The following CDH12 variants were observed in gnomAD, a reference collection of about 807,000 sequenced individuals.
The protein encoded by CDH12 is cadherin 12, also known as cadherin-12.
CDH12 carries 41 observed loss-of-function variants against 74.1 expected under a neutral mutation model. The observed-to-expected ratio is 0.55, with a 90% CI of 0.43 to 0.72. The LOEUF (loss-of-function observed/expected upper bound fraction) is 0.72. CDH12 is among the 30% of genes least tolerant of loss of function. The pLI is 0.00. For synonymous variants in CDH12, 399 were observed against 355.0 expected, an observed-to-expected ratio of 1.12 and a Z score of -1.39; for missense variants, 945 against 977.2, an observed-to-expected ratio of 0.97 and a Z score of 0.44.
At chr5:22,371,629 T>C (rs1474525375) in intron 3 of CDH12, among the ~76,000 whole-genome samples, 1 of 152,202 alleles carries the variant, frequency 6.6e-6, no homozygotes, top group East Asian at 1.9e-4. Flanking sequence ...TTTATTAGTA[T>C]GTTAGTTAAT....
intron 3 of CDH12, among the ~76,000 whole-genome samples, chr5:22,254,655 A>C (rs1207208654): frequency 1.3e-5 from 2 of 151,870 alleles, no homozygotes; most frequent in Admixed American, 6.6e-5. Context: ...TGTACGTCTG[A>C]ACTTAAAATA....
intron 2 of CDH12, among the ~76,000 whole-genome samples, chr5:22,470,492 C>T (rs888619790): frequency 6.6e-6 from 1 of 151,830 alleles, no homozygotes. Flanking sequence ...GATCATAGCT[C>T]ACTGCAGCCT....
At position 22,685,631 on chromosome 5, in the gene CDH12, T is replaced by G. The variant is rs570555517; in HGVS notation, c.-523+167427A>C. On this transcript the variant is annotated intron_variant, in intron 1 of 14. Coordinates refer to ENST00000382254, the MANE Select transcript of CDH12 (RefSeq NM_004061.5). The stretch of plus-strand genomic sequence containing the variant: ...CTATCCATTTGCCTATCCTGGATAT[T>G]TCATAGAAATAGAATAACACCGTAT... Among the ~76,000 whole-genome samples, 17 of 152,334 alleles carry G rather than the reference T, an allele frequency of 1.1e-4. No homozygotes were observed. In the East Asian group the frequency reaches 2.7e-3, roughly 24 times the overall value.
At chr5:22,302,009 GGA>G (rs36001047) in intron 3 of CDH12, among the ~76,000 whole-genome samples, 144 of 145,300 alleles carry the variant, frequency 9.9e-4, no homozygotes, top group East Asian at 1.0e-3. Context: ...ATATATATAT[GGA>G]GAGAGAGAGA....
Position 21,767,149 on chromosome 5 carries a change from C to A in CDH12, c.1394-2050G>T, listed in dbSNP as rs142606799. Among the ~76,000 whole-genome samples, 188 of 151,858 alleles carry A rather than the reference C, an allele frequency of 1.2e-3. 1 individual carries two copies. The highest frequency in any genetic ancestry group is 4.4e-3 in the African/African-American group (181 of 41,504). On this transcript the variant is annotated intron_variant, in intron 11 of 14. Transcript: ENST00000382254. ...ATCTGGGTAATGTAAAACTCAGTTT[C>A]TATTTTTTATTTTACATAGTATATA... is the stretch of plus-strand genomic sequence containing the variant.
chr5:22,492,889 G>A (rs1323096298), intron 2 of CDH12, among the ~76,000 whole-genome samples: 3 of 151,898 alleles, frequency 2.0e-5, no homozygotes, highest in Non-Finnish European at 4.4e-5. Context: ...CCACTCTGAA[G>A]ACCACCGATC....
chr5:21,941,713 A>G (rs1235453189), intron 6 of CDH12, among the ~76,000 whole-genome samples: 1 of 152,130 alleles, frequency 6.6e-6, no homozygotes, highest in African/African-American at 2.4e-5. Flanking sequence ...AAATCATACA[A>G]CGGAAAGGGA....
intron 1 of CDH12, among the ~76,000 whole-genome samples, chr5:22,656,937 T>A (rs890894470): frequency 6.6e-6 from 1 of 152,014 alleles, no homozygotes; most frequent in Non-Finnish European, 1.5e-5. Context: ...CCTGGGTTCA[T>A]GTGATCCTCC....
chr5:22,753,056 A>T lies in CDH12; in HGVS notation c.-523+100002T>A, dbSNP rs536639334. Among the ~76,000 whole-genome samples the T allele has an allele frequency of 2.0e-5, 3 of 152,262 alleles. No individual in the cohort carries two copies. The East Asian group carries it at 5.8e-4, about 30-fold the overall frequency. On this transcript the variant is annotated intron_variant, in intron 1 of 14. Coordinates refer to ENST00000382254, the MANE Select transcript of CDH12 (RefSeq NM_004061.5). ...GAATGACCAAGAAATAGCTCTTTGAAGAGGTGAAACTTTGGCCAAGAGCAG... is the reference window on the plus strand; with the variant it reads ...GAATGACCAAGAAATAGCTCTTTGATGAGGTGAAACTTTGGCCAAGAGCAG...
At position 22,843,520 on chromosome 5, in the gene CDH12, GA is replaced by G. The variant is rs201513036; in HGVS notation, c.-523+9537del. Among the ~76,000 whole-genome samples, 70 of 151,892 alleles carry G rather than the reference GA, an allele frequency of 4.6e-4. 1 individual carries two copies. In the East Asian group the frequency reaches 0.013, roughly 28 times the overall value. On this transcript the variant is annotated intron_variant, in intron 1 of 14. Coordinates refer to ENST00000382254, the MANE Select transcript of CDH12 (RefSeq NM_004061.5). Reference sequence around the variant, plus strand: ...TTGTGTGAAAGTATTTCATTTTTAGGAAGGATCAATGCCAAAAGAGTTTATT... The same window carrying G: ...TTGTGTGAAAGTATTTCATTTTTAGGAGGATCAATGCCAAAAGAGTTTATT...
At chr5:21,833,593 AATATATG>A (rs1306036130) in intron 8 of CDH12, among the ~76,000 whole-genome samples, 1 of 145,942 alleles carries the variant, frequency 6.9e-6, no homozygotes, top group Non-Finnish European at 1.5e-5. Context: ...ACCAAACATT[AATATATG>A]ATATATGATA....
At chr5:22,589,120 T>A (rs139711309) in intron 1 of CDH12, among the ~76,000 whole-genome samples, 395 of 152,308 alleles carry the variant, frequency 2.6e-3, no homozygotes, top group African/African-American at 7.6e-3. Context: ...CATCATTGAT[T>A]GCCTGATGGA....
intron 4 of CDH12, among the ~76,000 whole-genome samples, chr5:22,177,686 G>C (rs1749415582): frequency 6.6e-6 from 1 of 151,948 alleles, no homozygotes; most frequent in Non-Finnish European, 1.5e-5. Context: ...ACCTCTCTCT[G>C]TGAGACTTGG....
chr5:22,298,527 A>G (rs1737728710), intron 3 of CDH12, among the ~76,000 whole-genome samples: 1 of 134,588 alleles, frequency 7.4e-6, no homozygotes, highest in Non-Finnish European at 1.7e-5. Flanking sequence ...GAAGCTTTGA[A>G]TGAACTCTAA....
At chr5:22,530,731 G>T (rs1399599759) in intron 1 of CDH12, among the ~76,000 whole-genome samples, 1 of 152,014 alleles carries the variant, frequency 6.6e-6, no homozygotes, top group Non-Finnish European at 1.5e-5. Flanking sequence ...TGCTGTAGTT[G>T]TACAAGTAAA....
intron 1 of CDH12, among the ~76,000 whole-genome samples, chr5:22,835,162 G>A (rs891094289): frequency 4.6e-5 from 7 of 151,920 alleles, no homozygotes; most frequent in African/African-American, 1.7e-4. Context: ...TACTAGATAT[G>A]AACCTATTTG....
intron 3 of CDH12, among the ~76,000 whole-genome samples, chr5:22,237,033 C>T (rs1235396132): frequency 6.6e-6 from 1 of 151,582 alleles, no homozygotes; most frequent in Non-Finnish European, 1.5e-5. Context: ...ATATATAAAC[C>T]AGTAGCATAG....
At chr5:21,823,438 A>G (rs1748480534) in intron 8 of CDH12, among the ~76,000 whole-genome samples, 1 of 152,112 alleles carries the variant, frequency 6.6e-6, no homozygotes, top group Non-Finnish European at 1.5e-5. Flanking sequence ...TATAGCCTAT[A>G]TAGCTTGGCC....
intron 6 of CDH12, among the ~76,000 whole-genome samples, chr5:21,971,637 G>A (rs983704172): frequency 6.6e-6 from 1 of 152,080 alleles, no homozygotes; most frequent in African/African-American, 2.4e-5. Flanking sequence ...CAGCATTGTA[G>A]GAAAAGTAAC....
Sources: gnomAD v4.1 joint callset for allele counts (sites outside exome capture counted in the v4.1 genomes callset) on GRCh38, gnomAD v4.1.1 for gene constraint, MANE v1.5 for transcripts, NCBI Gene and HGNC (gene_info 2026-07-23, HGNC 2026-07-21) for gene names.